Variants in CACNA2D3 observed in about 807,000 individuals in gnomAD.
CACNA2D3 encodes voltage-dependent calcium channel subunit alpha-2/delta-3.
Under a neutral mutation model 160.6 loss-of-function variants are expected in CACNA2D3, and 60 were observed. The ratio of observed to expected loss-of-function variants is 0.37; its 90% CI spans 0.30 to 0.46. The LOEUF is 0.46. Ranked by LOEUF, CACNA2D3 falls within the 20% of genes least tolerant of loss-of-function variation. The pLI is 1.00. For missense variants in CACNA2D3, 1,205 were observed against 1,365.0 expected, an observed-to-expected ratio of 0.88 and a Z score of 1.85; for synonymous variants, 558 against 492.9, an observed-to-expected ratio of 1.13 and a Z score of -1.75.
chr3:54,871,863 C>T (rs915911313), intron 18 of CACNA2D3, among the ~76,000 whole-genome samples: 7 of 152,318 alleles, frequency 4.6e-5, no homozygotes, highest in Admixed American at 3.9e-4. Flanking sequence ...CTAAAACCAT[C>T]CCCCTGCGGA....
At chr3:54,500,504 T>TCTTCCTTCCTTCCTTCCTTCCTTCCTTC (rs56816802) in intron 4 of CACNA2D3, among the ~76,000 whole-genome samples, 3 of 102,124 alleles carry the variant, frequency 2.9e-5, no homozygotes, top group Admixed American at 1.0e-4. Context: ...TTCCTTCCTA[T>TCTTCCTTCCTTCCTTCCTTCCTTCCTTC]CTTCCTTCCT....
chr3:54,976,764 T>C (rs1376876852), intron 29 of CACNA2D3, among the ~76,000 whole-genome samples: 1 of 152,194 alleles, frequency 6.6e-6, no homozygotes, highest in Non-Finnish European at 1.5e-5. Flanking sequence ...AAAGCAGTGT[T>C]TGCCCCTGCT....
intron 3 of CACNA2D3, among the ~76,000 whole-genome samples, chr3:54,367,936 C>T (rs1323348616): frequency 6.6e-6 from 1 of 152,118 alleles, no homozygotes; most frequent in Non-Finnish European, 1.5e-5. Flanking sequence ...CCACTGTCTG[C>T]CTGTGGCTTA....
intron 27 of CACNA2D3, among the ~76,000 whole-genome samples, chr3:54,952,589 G>A (rs1321251074): frequency 2.6e-5 from 4 of 152,134 alleles, no homozygotes; most frequent in African/African-American, 9.7e-5. Context: ...CATATTTTTT[G>A]AAGTAATTTT....
At chr3:54,627,088 G>A (rs948773676) in intron 9 of CACNA2D3, among the ~76,000 whole-genome samples, 1 of 152,188 alleles carries the variant, frequency 6.6e-6, no homozygotes, top group Non-Finnish European at 1.5e-5. Flanking sequence ...TTGTGATCCA[G>A]TCTTTATCCT....
At chr3:54,424,177 T>C (rs113730280) in intron 4 of CACNA2D3, among the ~76,000 whole-genome samples, 9 of 152,308 alleles carry the variant, frequency 5.9e-5, no homozygotes, top group African/African-American at 2.2e-4. Flanking sequence ...AGGGGCCCTG[T>C]ATTTTCATTT....
At chr3:54,276,971 C>G (rs72986063) in intron 2 of CACNA2D3, among the ~76,000 whole-genome samples, 1 of 152,298 alleles carries the variant, frequency 6.6e-6, no homozygotes, top group East Asian at 1.9e-4. Flanking sequence ...GCAGGCATGC[C>G]GCTTCTTGTT....
rs535208353 is a variant in CACNA2D3 at position 54,918,495 on chromosome 3, C to T, written c.2449+18627C>T. On this transcript the variant is annotated intron_variant, in intron 27 of 37. Transcript: ENST00000474759. ...AGCTGTCAAATCGCTCTTTTTCTTC[C>T]ACCTTCCCAGGATCATTGGTTTGAG... 1,107 of 1,613,806 alleles carry T rather than the reference C, an allele frequency of 6.9e-4. 4 individuals are homozygous for T. Among genetic ancestry groups the T allele is most frequent in the South Asian group, 5.0e-3 (456 of 91,058 alleles).
intron 27 of CACNA2D3, chr3:54,924,950 A>G (rs370645097): frequency 6.2e-7 from 1 of 1,611,558 alleles, no homozygotes. Flanking sequence ...GGAAAGCTCC[A>G]GGGGCCAGAT....
chr3:54,237,994 C>G (rs1053748024), intron 2 of CACNA2D3, among the ~76,000 whole-genome samples: 1 of 152,134 alleles, frequency 6.6e-6, no homozygotes, highest in East Asian at 1.9e-4. Context: ...TGGTGTGGCT[C>G]ATCTCCCAGT....
intron 32 of CACNA2D3, among the ~76,000 whole-genome samples, chr3:55,007,368 A>G (rs950077757): frequency 1.3e-5 from 2 of 152,344 alleles, no homozygotes; most frequent in East Asian, 3.9e-4. Context: ...AGTGAATGAC[A>G]TACAGTGATG....
At chr3:54,856,510 T>C (rs1699174327) in intron 17 of CACNA2D3, among the ~76,000 whole-genome samples, 1 of 152,190 alleles carries the variant, frequency 6.6e-6, no homozygotes, top group African/African-American at 2.4e-5. Context: ...ATTTGTCTGT[T>C]GAACACCTGT....
At chr3:54,647,660 G>A (rs1336360856) in intron 11 of CACNA2D3, among the ~76,000 whole-genome samples, 1 of 152,200 alleles carries the variant, frequency 6.6e-6, no homozygotes, top group African/African-American at 2.4e-5. Context: ...GGGGGCATTT[G>A]TGAGTGTCAT....
chr3:54,386,079 T>C (rs1474114273), intron 3 of CACNA2D3: 1 of 402,944 alleles, frequency 2.5e-6, no homozygotes, highest in African/African-American at 2.1e-5. Flanking sequence ...ATTAATGTGT[T>C]GAATTTCGCT....
At chr3:54,688,247 G>A (rs937730379) in intron 11 of CACNA2D3, among the ~76,000 whole-genome samples, 1 of 152,130 alleles carries the variant, frequency 6.6e-6, no homozygotes, top group African/African-American at 2.4e-5. Flanking sequence ...TAAATGTCCT[G>A]TGTCTCCCAA....
chr3:54,157,529 G>T (rs777059056), intron 2 of CACNA2D3, among the ~76,000 whole-genome samples: 2 of 152,176 alleles, frequency 1.3e-5, no homozygotes, highest in African/African-American at 4.8e-5. Flanking sequence ...GGTGGCTCAC[G>T]CCTGTAATCG....
intron 4 of CACNA2D3, among the ~76,000 whole-genome samples, chr3:54,419,835 G>T (rs568479392): frequency 6.6e-6 from 1 of 151,796 alleles, no homozygotes; most frequent in Non-Finnish European, 1.5e-5. Context: ...GCATGATCTT[G>T]GTTCACTGCA....
At chr3:54,527,302 G>A (rs369433309) in intron 5 of CACNA2D3, among the ~76,000 whole-genome samples, 1 of 152,202 alleles carries the variant, frequency 6.6e-6, no homozygotes, top group Non-Finnish European at 1.5e-5. Flanking sequence ...AATTGCAACT[G>A]AAGTCAGTTC....
At chr3:54,799,760 C>G (rs1702943370) in intron 13 of CACNA2D3, among the ~76,000 whole-genome samples, 1 of 152,130 alleles carries the variant, frequency 6.6e-6, no homozygotes, top group Non-Finnish European at 1.5e-5. Context: ...TCTGGGTTCT[C>G]CATGTCTATA....
Sources: gnomAD v4.1 joint callset for allele counts (sites outside exome capture counted in the v4.1 genomes callset) on GRCh38, gnomAD v4.1.1 for gene constraint, MANE v1.5 for transcripts, NCBI Gene and HGNC (gene_info 2026-07-23, HGNC 2026-07-21) for gene names.